Variants in ALG14 observed in about 807,000 individuals in gnomAD.
The protein encoded by ALG14 is UDP-N-acetylglucosamine transferase subunit ALG14.
ALG14 carries 17 observed loss-of-function variants against 22.8 expected under a neutral mutation model. The ratio of observed to expected loss-of-function variants is 0.75; its 90% confidence interval spans 0.51 to 1.12. The LOEUF (loss-of-function observed/expected upper bound fraction) is 1.12, where lower values mean the gene tolerates loss of function less well. ALG14 is among the 50% of genes most tolerant of loss of function. ALG14 has a pLI of 0.00. For synonymous variants in ALG14, 89 were observed against 103.7 expected, an observed-to-expected ratio of 0.86 and a Z score of 0.86; for missense variants, 288 against 271.8, an observed-to-expected ratio of 1.06 and a Z score of -0.42.
In ALG14 at chr1:94,975,135, C is replaced by G. The variant is rs1672369789; in HGVS notation, c.*7941G>C. The stretch of plus-strand genomic sequence containing the variant: ...ATCACCTCCAAAAGAAGCCTCATAC[C>G]CATTAGGAGTTGCCCTCCATTTCCC... On this transcript the variant is annotated 3_prime_UTR_variant, in exon 4 of 4. Transcript: ENST00000370205. 1 of 152,266 alleles carries G rather than the reference C, an allele frequency of 6.6e-6. No homozygotes were observed. The highest frequency in any genetic ancestry group is 2.1e-4 in the South Asian group (1 of 4,834). The allele number at this position is 152,266 out of a possible 1,614,324, so 9.4% of individuals were successfully genotyped here.
At chr1:95,039,034 T>C (rs562794634) in intron 2 of ALG14, among the ~76,000 whole-genome samples, 2 of 152,338 alleles carry the variant, frequency 1.3e-5, no homozygotes, top group Non-Finnish European at 2.9e-5. Context: ...TACATTATTC[T>C]TTGATAAGGT....
At chr1:95,032,681 T>C (rs1247500765) in intron 2 of ALG14, among the ~76,000 whole-genome samples, 1 of 152,156 alleles carries the variant, frequency 6.6e-6, no homozygotes, top group African/African-American at 2.4e-5. Flanking sequence ...AAAAACTCTC[T>C]GCCCCACTGT....
At chr1:95,039,473 T>C (rs1323216105) in intron 2 of ALG14, among the ~76,000 whole-genome samples, 3 of 152,212 alleles carry the variant, frequency 2.0e-5, no homozygotes, top group Non-Finnish European at 4.4e-5. Flanking sequence ...TTTAGGACGC[T>C]GGAGAGTTTG....
chr1:95,066,994 G>A (rs996454828), intron 1 of ALG14: 8 of 152,088 alleles, frequency 5.3e-5, no homozygotes, highest in African/African-American at 1.9e-4. Flanking sequence ...TGCTTTAATA[G>A]TCTTTTATTT....
intron 3 of ALG14, among the ~76,000 whole-genome samples, chr1:95,010,569 A>G (rs932371164): frequency 2.0e-5 from 3 of 152,242 alleles, no homozygotes; most frequent in Non-Finnish European, 2.9e-5. Flanking sequence ...ATCAATGATA[A>G]AGATAAAACC....
intron 3 of ALG14, among the ~76,000 whole-genome samples, chr1:94,990,926 G>A (rs1213108775): frequency 6.6e-6 from 1 of 152,186 alleles, no homozygotes; most frequent in Non-Finnish European, 1.5e-5. Context: ...TTGCTCTATC[G>A]ATTATTCTGG....
At chr1:95,042,807 G>A (rs1167559696) in intron 2 of ALG14, among the ~76,000 whole-genome samples, 4 of 152,084 alleles carry the variant, frequency 2.6e-5, no homozygotes, top group Non-Finnish European at 5.9e-5. Flanking sequence ...TTTAAAAGTC[G>A]GGTCCTTCTG....
chr1:95,038,360 G>A (rs994679205), intron 2 of ALG14, among the ~76,000 whole-genome samples: 7 of 152,096 alleles, frequency 4.6e-5, no homozygotes, highest in African/African-American at 1.4e-4. Context: ...ATGGTAGCAC[G>A]TGCCTGTAGT....
intron 2 of ALG14, among the ~76,000 whole-genome samples, chr1:95,057,196 T>C (rs1235916457): frequency 6.6e-6 from 1 of 151,436 alleles, no homozygotes; most frequent in Non-Finnish European, 1.5e-5. Context: ...CTCTGTTATA[T>C]GGATATGGAA....
chr1:94,997,516 T>C (rs1166168021), intron 3 of ALG14, among the ~76,000 whole-genome samples: 1 of 152,208 alleles, frequency 6.6e-6, no homozygotes, highest in East Asian at 1.9e-4. Flanking sequence ...GAGGCACTGA[T>C]GGTCCAGGGA....
rs1320369247 is a variant in ALG14 at position 94,974,952 on chromosome 1, T to G, written c.*8124A>C. 1.3e-5 allele frequency: 2 copies of G among 152,236 alleles called. No homozygotes were observed. The highest frequency in any genetic ancestry group is 2.9e-5 in the Non-Finnish European group (2 of 68,050). 9.4% of individuals were successfully genotyped at this position (152,236 alleles called of 1,614,324 possible). Reference sequence around the variant, plus strand: ...GAGACTTCTCCTCTTGCATGTCTAGTGCCTCCAGTGAGATGACTCAAAGTC... The same window carrying G: ...GAGACTTCTCCTCTTGCATGTCTAGGGCCTCCAGTGAGATGACTCAAAGTC... On this transcript the variant is annotated 3_prime_UTR_variant, in exon 4 of 4. Transcript: ENST00000370205.
chr1:95,056,608 G>T (rs1674941183), intron 2 of ALG14, among the ~76,000 whole-genome samples: 1 of 152,082 alleles, frequency 6.6e-6, no homozygotes, highest in African/African-American at 2.4e-5. Flanking sequence ...TCACGCCACT[G>T]CACTCCAGCC....
At chr1:95,059,954 C>T (rs1443454415) in intron 2 of ALG14, among the ~76,000 whole-genome samples, 1 of 151,914 alleles carries the variant, frequency 6.6e-6, no homozygotes, top group Non-Finnish European at 1.5e-5. Flanking sequence ...CAGCAAGACC[C>T]CACCTTTTCC....
chr1:95,049,527 C>T (rs1287430571), intron 2 of ALG14, among the ~76,000 whole-genome samples: 2 of 151,602 alleles, frequency 1.3e-5, no homozygotes, highest in Admixed American at 6.6e-5. Flanking sequence ...AGAGTGAGAC[C>T]CTGCCTCAAA....
intron 3 of ALG14, among the ~76,000 whole-genome samples, chr1:94,990,891 G>A (rs944470101): frequency 6.6e-6 from 1 of 152,200 alleles, no homozygotes; most frequent in African/African-American, 2.4e-5. Context: ...GTAGGATCTT[G>A]CCCAGTTGAT....
chr1:95,066,732 G>A (rs947118180), intron 1 of ALG14, among the ~76,000 whole-genome samples: 4 of 150,918 alleles, frequency 2.7e-5, no homozygotes, highest in African/African-American at 7.3e-5. Flanking sequence ...GTTTAGCCTC[G>A]AAAAAAAACA....
chr1:95,028,735 T>C (rs1673904755), intron 2 of ALG14, among the ~76,000 whole-genome samples: 1 of 151,874 alleles, frequency 6.6e-6, no homozygotes, highest in African/African-American at 2.4e-5. Context: ...GGAGGCAGAG[T>C]TTGCAATGAT....
intron 3 of ALG14, among the ~76,000 whole-genome samples, chr1:95,012,109 G>A (rs992640273): frequency 2.6e-5 from 4 of 152,170 alleles, no homozygotes; most frequent in East Asian, 3.9e-4. Context: ...CTGCTGCCAT[G>A]TAAAACGTGC....
At chr1:95,047,016 CAT>C (rs1674582825) in intron 2 of ALG14, among the ~76,000 whole-genome samples, 1 of 146,136 alleles carries the variant, frequency 6.8e-6, no homozygotes, top group African/African-American at 2.5e-5. Flanking sequence ...CATAACATAA[CAT>C]AACATAACAT....
Sources: gnomAD v4.1 joint callset for allele counts (sites outside exome capture counted in the v4.1 genomes callset) on GRCh38, gnomAD v4.1.1 for gene constraint, MANE v1.5 for transcripts, NCBI Gene and HGNC (gene_info 2026-07-23, HGNC 2026-07-21) for gene names.